The following ALAS1 variants were observed in gnomAD, a reference collection of about 807,000 sequenced individuals.
The protein encoded by ALAS1 is 5'-aminolevulinate synthase 1.
In ALAS1, 29 loss-of-function variants were observed where a neutral mutation model predicts 59.6. The observed-to-expected ratio is 0.49, with a 90% CI of 0.36 to 0.66. The LOEUF is 0.66. Ranked by LOEUF, ALAS1 falls within the 30% of genes least tolerant of loss-of-function variation. The pLI, the probability that ALAS1 is intolerant of heterozygous loss-of-function variation, is 0.00. For synonymous variants in ALAS1, 299 were observed against 296.6 expected, an observed-to-expected ratio of 1.01 and a Z score of -0.08; for missense variants, 690 against 807.5, an observed-to-expected ratio of 0.85 and a Z score of 1.76.
chr3:52,205,782 A>G, intron 6 of ALAS1, 57 bp from the exon 7 acceptor site: 1 of 1,496,974 alleles, frequency 6.7e-7, no homozygotes, highest in African/African-American at 1.4e-5. Context: ...GAAAAAATTC[A>G]CATGGTGTTG....
intron 11 of ALAS1, among the ~76,000 whole-genome samples, chr3:52,212,879 A>G (rs558185824): frequency 2.0e-5 from 3 of 152,028 alleles, no homozygotes; most frequent in East Asian, 3.9e-4. Flanking sequence ...ATGGTTCAAA[A>G]CCCTAAAAGG....
In ALAS1 at chr3:52,206,736, G is replaced by A. The variant is rs1227885287; in HGVS notation, c.1150G>A (p.Val384Ile). The change falls in exon 8 of 12, where the codon GTC (valine) becomes ATC (isoleucine). Residue 384 changes from valine (V) to isoleucine (I), a missense_variant. Physicochemically the swap from Val to Ile is conservative, Grantham distance 29 (BLOSUM62 3). Coordinates refer to ENST00000484952, the MANE Select transcript of ALAS1 (RefSeq NM_000688.6). ...SVPKIVAFET[V>I]HSMDGAVCPL... ...CCCCAAGATTGTGGCATTTGAAACTGTCCATTCAATGGATGGTAAGTGTGG... is the reference window on the plus strand; with the variant it reads ...CCCCAAGATTGTGGCATTTGAAACTATCCATTCAATGGATGGTAAGTGTGG... 5 of 1,614,164 alleles carry A rather than the reference G, an allele frequency of 3.1e-6. No individual in the cohort carries two copies. The highest frequency in any genetic ancestry group is 1.7e-5 in the Admixed American group (1 of 60,022).
At chr3:52,208,580 A>G (rs921618864) in intron 9 of ALAS1, among the ~76,000 whole-genome samples, 1 of 152,230 alleles carries the variant, frequency 6.6e-6, no homozygotes, top group African/African-American at 2.4e-5. Flanking sequence ...AAGGAATTCT[A>G]GTACTTTTCT....
intron 11 of ALAS1, among the ~76,000 whole-genome samples, chr3:52,212,931 T>C (rs1337035463): frequency 6.6e-6 from 1 of 152,170 alleles, no homozygotes; most frequent in Non-Finnish European, 1.5e-5. Context: ...GAGAGTCATT[T>C]TGGGAGCTCT....
rs370684990 is a variant in ALAS1, at chr3:52,211,507, G to A, written c.1555G>A (p.Gly519Ser). ...KLMRQMLMDA[G>S]LPVVHCPSHI... ...CATGAGACAGATGCTAATGGATGCC[G>A]GCCTCCCTGTTGTCCACTGCCCCAG... The change falls in exon 10 of 12, where the codon GGC becomes AGC. Residue 519 changes from glycine (G) to serine (S), a missense_variant. By Grantham distance (56) the Gly-to-Ser change is moderately conservative. Transcript: ENST00000484952. The A allele has an allele frequency of 6.3e-5, 102 of 1,614,208 alleles. No homozygotes were observed. The highest frequency in any genetic ancestry group is 1.6e-4 in the Middle Eastern group (1 of 6,062).
intron 5 of ALAS1, among the ~76,000 whole-genome samples, 200 bp from the exon 6 acceptor site, chr3:52,204,493 C>T (rs1334424001): frequency 1.3e-5 from 2 of 152,218 alleles, no homozygotes; most frequent in African/African-American, 2.4e-5. Context: ...GGTAGCCTGC[C>T]TTCTGTCCTT....
chr3:52,198,919 AC>A, intron 2 of ALAS1, 71 bp downstream of exon 2: 1 of 1,488,396 alleles, frequency 6.7e-7, no homozygotes, highest in Non-Finnish European at 9.1e-7. Context: ...CCTGTTCTTG[AC>A]CTTTCCCTCA....
At position 52,203,215 on chromosome 3, in the gene ALAS1, T is replaced by C. The variant is rs1044517472; in HGVS notation, c.427+481T>C. Among the ~76,000 whole-genome samples the C allele has an allele frequency of 2.0e-5, 3 of 152,298 alleles. No homozygotes were observed. In the East Asian group the frequency reaches 5.8e-4, roughly 29 times the overall value. The stretch of plus-strand genomic sequence containing the variant: ...CCAAAAGCCTAACCAGCAGAAATTA[T>C]GCATATGGCCAAAATTGTTTTCTAT... On this transcript the variant is annotated intron_variant, in intron 4 of 11. Transcript: ENST00000484952.
At chr3:52,213,569 CA>C (rs1345231227) in intron 11 of ALAS1, among the ~76,000 whole-genome samples, 2 of 152,162 alleles carry the variant, frequency 1.3e-5, no homozygotes, top group African/African-American at 4.8e-5. Flanking sequence ...GTTATGCAAC[CA>C]TCACTTCTAT....
In ALAS1 at chr3:52,199,249, G is replaced by A. The variant is rs527889142; in HGVS notation, c.8G>A (p.Ser3Asn). The change falls in exon 3 of 12, where the codon AGT becomes AAT. Residue 3 changes from serine to asparagine, a missense_variant. Transcript: ENST00000484952. ...CCAGCATACTTCCTGAACATGGAGA[G>A]TGTTGTTCGCCGCTGCCCATTCTTA... ME[S>N]VVRRCPFLSR... 2.2e-5 allele frequency: 36 copies of A among 1,614,204 alleles called. No homozygotes were observed. The highest frequency in any genetic ancestry group is 1.7e-4 in the Middle Eastern group (1 of 6,060).
chr3:52,210,566 G>C (rs1428068186), intron 9 of ALAS1, among the ~76,000 whole-genome samples: 1 of 152,104 alleles, frequency 6.6e-6, no homozygotes, highest in Non-Finnish European at 1.5e-5. Flanking sequence ...TTGAACCCAG[G>C]AGTTTGAGAC....
chr3:52,213,961 G>A lies in ALAS1; in HGVS notation c.1763-59G>A, dbSNP rs930411645. On this transcript the variant is annotated intron_variant, in intron 11 of 11. Coordinates refer to ENST00000484952, the MANE Select transcript of ALAS1 (RefSeq NM_000688.6). The stretch of plus-strand genomic sequence containing the variant: ...TGTACAAGTTTTTGTGTGGACATAT[G>A]TTTTCATTTCTCTTGTGTATATTAC... 2.7e-6 allele frequency: 4 copies of A among 1,488,452 alleles called. No homozygotes were observed. In the African/African-American group the frequency reaches 4.2e-5, roughly 16 times the overall value. The allele number at this position is 1,488,452 out of a possible 1,614,324, so 92.2% of individuals were successfully genotyped here. A position where few individuals can be genotyped will look rare whatever the true frequency, so the allele number is the denominator to read the frequency against.
intron 3 of ALAS1, among the ~76,000 whole-genome samples, chr3:52,201,119 C>T (rs1699178282): frequency 6.6e-6 from 1 of 152,084 alleles, no homozygotes; most frequent in Non-Finnish European, 1.5e-5. Flanking sequence ...AGACACTTTA[C>T]CCAAGTTATA....
intron 11 of ALAS1, 160 bp downstream of exon 11, chr3:52,212,580 G>A: frequency 1.1e-6 from 1 of 873,886 alleles, no homozygotes; most frequent in African/African-American, 1.7e-5. Context: ...TGCCCAGGCT[G>A]GAGTACAATG....
chr3:52,198,165 G>A lies in ALAS1; in HGVS notation c.-300G>A, dbSNP rs1699106572. 1.5e-5 allele frequency: 6 copies of A among 398,572 alleles called. No homozygotes were observed. In the South Asian group the frequency reaches 7.5e-4, roughly 50 times the overall value. The allele number at this position is 398,572 out of a possible 1,614,324, so 24.7% of individuals were successfully genotyped here. A position where few individuals can be genotyped will look rare whatever the true frequency, so the allele number is the denominator to read the frequency against. ...GCGCCGGCGATCGCGGCCTGAGGCTGCTCCCGGACAAGGGCAACGAGCGTT... is the reference window on the plus strand; with the variant it reads ...GCGCCGGCGATCGCGGCCTGAGGCTACTCCCGGACAAGGGCAACGAGCGTT... On this transcript the variant is annotated 5_prime_UTR_variant, in exon 1 of 12. Coordinates refer to ENST00000484952, the MANE Select transcript of ALAS1 (RefSeq NM_000688.6).
chr3:52,204,252 C>T (rs1382865391), intron 5 of ALAS1, among the ~76,000 whole-genome samples: 3 of 152,104 alleles, frequency 2.0e-5, no homozygotes, highest in African/African-American at 7.2e-5. Context: ...GGCATGATGG[C>T]TTGCATCTAT....
intron 6 of ALAS1, 36 bp from the exon 7 acceptor site, chr3:52,205,803 G>A (rs1339312810): frequency 2.5e-5 from 39 of 1,580,306 alleles, no homozygotes; most frequent in Non-Finnish European, 3.3e-5. Flanking sequence ...AGAACCATGA[G>A]CTTTATTTTC....
chr3:52,208,080 C>G lies in ALAS1; in HGVS notation c.1166-3C>G. The G allele has an allele frequency of 6.4e-7, 1 of 1,554,930 alleles. No homozygotes were observed. Among genetic ancestry groups the G allele is most frequent in the Non-Finnish European group, 8.7e-7 (1 of 1,154,066 alleles). Reference sequence around the variant, plus strand: ...TTCAGAGCAGTCTCTGGTCTTTCCTCAGGGGCGGTGTGCCCACTGGAAGAG... The same window carrying G: ...TTCAGAGCAGTCTCTGGTCTTTCCTGAGGGGCGGTGTGCCCACTGGAAGAG... On this transcript the variant is annotated splice_polypyrimidine_tract_variant and splice_region_variant and intron_variant, in intron 8 of 11. Coordinates refer to ENST00000484952, the MANE Select transcript of ALAS1 (RefSeq NM_000688.6).
At chr3:52,208,326 A>G in intron 9 of ALAS1, 79 bp downstream of exon 9, 2 of 1,514,814 alleles carry the variant, frequency 1.3e-6, no homozygotes, top group East Asian at 2.3e-5. Flanking sequence ...AACTGGGATC[A>G]GGTGAGGAGA....
Sources: allele counts gnomAD v4.1 joint callset (sites outside exome capture counted in the v4.1 genomes callset), GRCh38; gene constraint gnomAD v4.1.1; transcripts MANE v1.5; gene names NCBI Gene and HGNC (gene_info 2026-07-23, HGNC 2026-07-21).